Variants in KIF15 observed in about 807,000 individuals in gnomAD.
The protein encoded by KIF15 is kinesin family member 15.
A neutral mutation model predicts 190.6 loss-of-function variants in KIF15; 140 were observed. That is an observed-to-expected ratio of 0.73 (90% CI 0.64 to 0.84). The LOEUF is 0.84. Ranked by LOEUF, KIF15 falls within the 40% of genes least tolerant of loss-of-function variation. KIF15 has a pLI of 0.00. For missense variants in KIF15, 1,372 were observed against 1,584.4 expected (o/e 0.87, Z 2.28); for synonymous variants, 528 against 551.3 (o/e 0.96, Z 0.59).
Position 44,797,885 on chromosome 3 carries a change from G to A in KIF15, c.1027G>A (p.Gly343Arg). 1 of 1,613,890 alleles carries A rather than the reference G, an allele frequency of 6.2e-7. No homozygotes were observed. Among genetic ancestry groups the A allele is most frequent in the Non-Finnish European group, 8.5e-7 (1 of 1,179,912 alleles). The part of the protein sequence containing the change: ...KTAIIANVHP[G>R]SRCFGETLST... ...AGCCATAATTGCAAATGTTCATCCT[G>A]GATCCAGGTGTTTTGGGGAAACCCT... is the stretch of plus-strand genomic sequence containing the variant. Residue 343 changes from glycine (G) to arginine (R), a missense_variant, in exon 10 of 35, where the codon GGA (glycine) becomes AGA (arginine). Gly to Arg is a moderately radical substitution (Grantham distance 125, BLOSUM62 -2). Coordinates refer to ENST00000326047, the MANE Select transcript of KIF15 (RefSeq NM_020242.3).
At chr3:44,780,582 A>G (rs889096285) in intron 4 of KIF15, among the ~76,000 whole-genome samples, 5 of 152,196 alleles carry the variant, frequency 3.3e-5, no homozygotes, top group Admixed American at 2.6e-4. Flanking sequence ...AAATTAAGGG[A>G]AAAATAGGTT....
intron 6 of KIF15, 108 bp downstream of exon 6, chr3:44,785,050 A>G (rs1002518668): frequency 5.0e-6 from 3 of 604,392 alleles, no homozygotes; most frequent in African/African-American, 3.8e-5. Context: ...GTACTCTACA[A>G]TATGAATAGA....
intron 30 of KIF15, among the ~76,000 whole-genome samples, chr3:44,846,688 C>T (rs553456198): frequency 8.7e-5 from 13 of 149,704 alleles, no homozygotes; most frequent in Non-Finnish European, 7.4e-5. Flanking sequence ...GCAGGAGAAT[C>T]GCTTGAACCG....
At chr3:44,809,141 G>T (rs965237826) in intron 16 of KIF15, among the ~76,000 whole-genome samples, 1 of 152,172 alleles carries the variant, frequency 6.6e-6, no homozygotes, top group African/African-American at 2.4e-5. Flanking sequence ...GGATTGTCAT[G>T]CTTGTTAATG....
chr3:44,840,215 T>C (rs565193842), intron 27 of KIF15, 140 bp from the exon 28 acceptor site: 63 of 538,374 alleles, frequency 1.2e-4, no homozygotes, highest in African/African-American at 9.7e-4. Flanking sequence ...TAGCCATCCC[T>C]ATCAGGTGCG....
At chr3:44,817,668 G>A (rs1221757836) in intron 20 of KIF15, among the ~76,000 whole-genome samples, 4 of 152,182 alleles carry the variant, frequency 2.6e-5, no homozygotes, top group African/African-American at 9.7e-5. Context: ...TTGAAGTCAG[G>A]TAGCGTGATG....
chr3:44,778,979 C>CAAAAAA (rs60269306), intron 4 of KIF15, among the ~76,000 whole-genome samples: 9 of 77,710 alleles, frequency 1.2e-4, no homozygotes, highest in Admixed American at 3.4e-4. Flanking sequence ...GACTCCGCCT[C>CAAAAAA]AAAAAAAAAA....
At chr3:44,763,975 A>G (rs777721296) in intron 1 of KIF15, among the ~76,000 whole-genome samples, 19 of 152,240 alleles carry the variant, frequency 1.2e-4, no homozygotes, top group Non-Finnish European at 2.6e-4. Context: ...GGCGTGAGCC[A>G]CTGCACCTGG....
At chr3:44,820,863 G>A (rs1257434273) in intron 20 of KIF15, among the ~76,000 whole-genome samples, 3 of 151,982 alleles carry the variant, frequency 2.0e-5, no homozygotes, top group South Asian at 2.1e-4. Flanking sequence ...ATGAGCTGCC[G>A]GGCACACCTC....
intron 1 of KIF15, among the ~76,000 whole-genome samples, chr3:44,767,755 C>T (rs918610993): frequency 2.6e-5 from 4 of 151,584 alleles, no homozygotes; most frequent in Non-Finnish European, 2.9e-5. Context: ...ATTCTCAGGG[C>T]GTGGTGGCAG....
chr3:44,783,107 A>G (rs1014324010), intron 5 of KIF15, among the ~76,000 whole-genome samples: 4 of 152,200 alleles, frequency 2.6e-5, no homozygotes, highest in African/African-American at 9.7e-5. Flanking sequence ...GGGTTAGGCA[A>G]GAGATGATGA....
intron 27 of KIF15, among the ~76,000 whole-genome samples, chr3:44,839,265 G>C (rs1246334089): frequency 6.6e-6 from 1 of 151,896 alleles, no homozygotes; most frequent in East Asian, 1.9e-4. Flanking sequence ...CCAGCTACTC[G>C]GGAAGGCTGA....
Position 44,786,395 on chromosome 3 carries a change from G to C in KIF15, c.460G>C (p.Ala154Pro). ...TCTAAATGAGGCTTCTTTTTTACAG[G>C]CTGGAGCTGGAAAGAGTTTCCTTTG... Reference protein sequence around the residue: ...FSLIDREKEKAGAGKSFLCKC... With the variant: ...FSLIDREKEKPGAGKSFLCKC... Residue 154 changes from alanine to proline, a missense_variant and splice_region_variant, in exon 7 of 35, where the codon GCT becomes CCT. Transcript: ENST00000326047. 2 of 1,602,100 alleles carry C rather than the reference G, an allele frequency of 1.2e-6. No homozygotes were observed. Among genetic ancestry groups the C allele is most frequent in the South Asian group, 2.2e-5 (2 of 89,742 alleles).
chr3:44,767,331 A>G (rs1705438856), intron 1 of KIF15, among the ~76,000 whole-genome samples: 1 of 152,232 alleles, frequency 6.6e-6, no homozygotes, highest in Non-Finnish European at 1.5e-5. Context: ...GTGGCAGTGG[A>G]TTTGGCAAGA....
Position 44,815,068 on chromosome 3 carries a change from T to C in KIF15, c.2541T>C (p.Asp847=), listed in dbSNP as rs1707966141. The stretch of plus-strand genomic sequence containing the variant: ...ACATGCATGTACAGCTTCAATTAGA[T>C]AATCTCAGGTAGAGTTGTTCTTTTA... ...ERHMHVQLQL[D]NLRLENEKLL... Residue 847 remains aspartate, a synonymous_variant, in exon 20 of 35, where the codon GAT becomes GAC. Transcript: ENST00000326047. 1.3e-6 allele frequency: 2 copies of C among 1,588,210 alleles called. No homozygotes were observed. Among genetic ancestry groups the C allele is most frequent in the Non-Finnish European group, 8.6e-7 (1 of 1,169,364 alleles).
intron 20 of KIF15, 50 bp downstream of exon 20, chr3:44,815,126 C>A (rs751745025): frequency 3.6e-6 from 5 of 1,394,084 alleles, no homozygotes; most frequent in Non-Finnish European, 4.8e-6. Flanking sequence ...CTGTAACCTA[C>A]GACTGTTTGA....
intron 1 of KIF15, among the ~76,000 whole-genome samples, chr3:44,762,633 G>T (rs1006899301): frequency 6.6e-6 from 1 of 152,194 alleles, no homozygotes; most frequent in Non-Finnish European, 1.5e-5. Context: ...TGGTAATGAG[G>T]AGAGGCCTGG....
At chr3:44,765,376 T>A (rs1705333681) in intron 1 of KIF15, among the ~76,000 whole-genome samples, 1 of 152,238 alleles carries the variant, frequency 6.6e-6, no homozygotes, top group Admixed American at 6.5e-5. Context: ...GTGTATTTGC[T>A]TAGCAACTGG....
intron 26 of KIF15, 92 bp downstream of exon 26, chr3:44,831,110 G>T: frequency 7.3e-7 from 1 of 1,365,676 alleles, no homozygotes; most frequent in Non-Finnish European, 1.0e-6. Context: ...ATAAATACAG[G>T]ATTTTTAAAG....
Sources: allele counts gnomAD v4.1 joint callset (sites outside exome capture counted in the v4.1 genomes callset), GRCh38; gene constraint gnomAD v4.1.1; transcripts MANE v1.5; gene names NCBI Gene and HGNC (gene_info 2026-07-23, HGNC 2026-07-21).